Variants in SPEN observed in about 807,000 individuals in gnomAD.
SPEN encodes spen family transcriptional repressor, also known as msx2-interacting protein.
SPEN carries 18 observed loss-of-function variants against 269.9 expected under a neutral mutation model. That is an observed-to-expected ratio of 0.07 (90% CI 0.05 to 0.10). SPEN has a LOEUF of 0.10. SPEN is among the 10% of genes least tolerant of loss of function. The pLI is 1.00. For synonymous variants in SPEN, 1,726 were observed against 1,765.7 expected (o/e 0.98, Z 0.56); for missense variants, 3,822 against 4,631.2 (o/e 0.83, Z 5.07).
In SPEN at chr1:15,919,044, G is replaced by A. The variant is rs1471081719; in HGVS notation, c.1514G>A (p.Arg505His). The change falls in exon 7 of 15, where the codon CGC becomes CAC. Residue 505 changes from arginine (R) to histidine (H), a missense_variant. Around this residue, in one of 16 missense-constraint regions of SPEN, gnomAD observed 230 missense variants for 426.1 expected, o/e 0.54. Coordinates refer to ENST00000375759, the MANE Select transcript of SPEN (RefSeq NM_015001.3). ...KMDGEYLGNN[R>H]LKLGFGKSMP... ...GATGGGGAATATCTTGGAAATAATC[G>A]CCTCAAGGTAAATGAATTTGCATAA... 5 of 1,608,352 alleles carry A rather than the reference G, an allele frequency of 3.1e-6. No homozygotes were observed. The highest frequency in any genetic ancestry group is 2.2e-5 in the East Asian group (1 of 44,732).
chr1:15,937,675 G>T lies in SPEN; in HGVS notation c.10509+30G>T. Reference sequence around the variant, plus strand: ...GCATGAGCAGGGGCTGCCCTTCCTGGCCCCCAAGTTTTATGCCATGTCAAA... The same window carrying T: ...GCATGAGCAGGGGCTGCCCTTCCTGTCCCCCAAGTTTTATGCCATGTCAAA... On this transcript the variant is annotated intron_variant, in intron 12 of 14. Transcript: ENST00000375759. This position sits in a 1 kb window ranked among gnomAD's most constrained non-coding sequence, Gnocchi z 5.7. 19 of 1,607,322 alleles carry T rather than the reference G, an allele frequency of 1.2e-5. No individual in the cohort carries two copies. The highest frequency in any genetic ancestry group is 1.4e-5 in the Non-Finnish European group (17 of 1,175,168).
chr1:15,850,333 A>G (rs2070322706), intron 1 of SPEN, among the ~76,000 whole-genome samples: 1 of 152,188 alleles, frequency 6.6e-6, no homozygotes, highest in Non-Finnish European at 1.5e-5. Flanking sequence ...AGCAGATGCT[A>G]CTGATAAAAG....
intron 4 of SPEN, among the ~76,000 whole-genome samples, chr1:15,910,151 A>T (rs2070999256): frequency 2.1e-5 from 3 of 145,300 alleles, no homozygotes; most frequent in Non-Finnish European, 4.5e-5. Context: ...AAAAAAAAAA[A>T]TTATTTACTA....
chr1:15,919,589 CAGTT>C, intron 8 of SPEN, 72 bp downstream of exon 8: 2 of 932,466 alleles, frequency 2.1e-6, no homozygotes, highest in Non-Finnish European at 3.2e-6. Flanking sequence ...CTTTCAGTCT[CAGTT>C]GGCTAGCATT....
chr1:15,868,700 C>G (rs2070542980), intron 1 of SPEN, among the ~76,000 whole-genome samples: 2 of 152,200 alleles, frequency 1.3e-5, no homozygotes, highest in Non-Finnish European at 2.9e-5. Context: ...TCCCAAAGTG[C>G]TGGGATTACA....
chr1:15,939,890 C>T lies in SPEN; in HGVS notation c.*463C>T, dbSNP rs1038689838. ...CAGACTCTTAACGCAGGAAGGACTT[C>T]AAACTTCTGCTGAGACCTTGGGGTC... is the stretch of plus-strand genomic sequence containing the variant. On this transcript the variant is annotated 3_prime_UTR_variant, in exon 15 of 15. Coordinates refer to ENST00000375759, the MANE Select transcript of SPEN (RefSeq NM_015001.3). The surrounding 1 kb of genome is among the most constrained non-coding windows in gnomAD (Gnocchi z 4.1). 4 of 233,516 alleles carry T rather than the reference C, an allele frequency of 1.7e-5. No homozygotes were observed. The highest frequency in any genetic ancestry group is 6.6e-5 in the African/African-American group (3 of 45,320). The allele number at this position is 233,516 out of a possible 1,614,324, so 14.5% of individuals were successfully genotyped here. A position where few individuals can be genotyped will look rare whatever the true frequency, so the allele number is the denominator to read the frequency against.
intron 3 of SPEN, among the ~76,000 whole-genome samples, chr1:15,892,652 T>G (rs1234293580): frequency 2.0e-5 from 3 of 152,150 alleles, no homozygotes; most frequent in Non-Finnish European, 4.4e-5. Context: ...AAATGCCTGT[T>G]TCCAGGGTGG....
intron 3 of SPEN, among the ~76,000 whole-genome samples, chr1:15,881,193 C>G (rs112874686): frequency 0.035 from 5,298 of 152,180 alleles, 297 homozygotes; most frequent in African/African-American, 0.12. Context: ...TGGTCTTGAG[C>G]TCCTGGCTTC....
chr1:15,876,572 G>A lies in SPEN; in HGVS notation c.775G>A (p.Ala259Thr). 1.2e-6 allele frequency: 2 copies of A among 1,613,948 alleles called. No homozygotes were observed. Among genetic ancestry groups the A allele is most frequent in the Non-Finnish European group, 1.7e-6 (2 of 1,180,006 alleles). ...TAGAAATCAGTCTCCTCAGAGACTGGCTAGCCAAGCATCTAGACCCACAAG... is the reference window on the plus strand; with the variant it reads ...TAGAAATCAGTCTCCTCAGAGACTGACTAGCCAAGCATCTAGACCCACAAG... ...QSRNQSPQRL[A>T]SQASRPTRSP... The change falls in exon 3 of 15, where the codon GCT (alanine) becomes ACT (threonine). Residue 259 changes from alanine (A) to threonine (T), a missense_variant. Ala to Thr is a moderately conservative substitution (Grantham distance 58, BLOSUM62 0). This residue lies in a region of SPEN where 327 missense variants were observed against 350.8 expected (regional missense o/e 0.93). Transcript: ENST00000375759.
At position 15,929,406 on chromosome 1, in the gene SPEN, A is replaced by C; in HGVS notation, c.3166A>C (p.Arg1056=). The C allele has an allele frequency of 6.2e-7, 1 of 1,613,602 alleles. No homozygotes were observed. The highest frequency in any genetic ancestry group is 8.5e-7 in the Non-Finnish European group (1 of 1,179,870). Reference sequence around the variant, plus strand: ...AGAATCTAAAAAAATCAAACTGGACAGACTTAATACTGTTGCCAGCCCCAA... The same window carrying C: ...AGAATCTAAAAAAATCAAACTGGACCGACTTAATACTGTTGCCAGCCCCAA... ...KRESKKIKLD[R]LNTVASPKDC... Residue 1056 remains arginine, a synonymous_variant, in exon 11 of 15, where the codon AGA becomes CGA. Coordinates refer to ENST00000375759, the MANE Select transcript of SPEN (RefSeq NM_015001.3). The surrounding 1 kb of genome is among the most constrained non-coding windows in gnomAD (Gnocchi z 5.8).
intron 1 of SPEN, among the ~76,000 whole-genome samples, chr1:15,858,507 T>A (rs2070409133): frequency 6.6e-6 from 1 of 152,230 alleles, no homozygotes; most frequent in African/African-American, 2.4e-5. Context: ...AGGTGTATAG[T>A]AGGCTCTACC....
intron 1 of SPEN, among the ~76,000 whole-genome samples, chr1:15,862,348 A>T (rs1237140783): frequency 6.6e-6 from 1 of 152,200 alleles, no homozygotes; most frequent in Non-Finnish European, 1.5e-5. Context: ...CATTTATGAA[A>T]GCTACTCATT....
Position 15,928,309 on chromosome 1 carries a change from A to G in SPEN, c.2069A>G (p.Gln690Arg), listed in dbSNP as rs1256478072. Residue 690 changes from glutamine to arginine, a missense_variant, in exon 11 of 15, where the codon CAA becomes CGA. By Grantham distance (43) the Gln-to-Arg change is conservative. Transcript: ENST00000375759. The surrounding 1 kb of genome is among the most constrained non-coding windows in gnomAD (Gnocchi z 5.7). ...GATTACAGGAATGATCCTTATGAAC[A>G]AGATATTAGGGAATATAGTTACAGG... ...YRDYRNDPYE[Q>R]DIREYSYRQR... is the part of the protein sequence containing the mutation. The G allele has an allele frequency of 6.2e-7, 1 of 1,614,236 alleles. No homozygotes were observed. Among genetic ancestry groups the G allele is most frequent in the Middle Eastern group, 1.6e-4 (1 of 6,062 alleles).
intron 1 of SPEN, among the ~76,000 whole-genome samples, chr1:15,857,341 AG>A (rs1163522807): frequency 2.0e-5 from 3 of 151,802 alleles, no homozygotes; most frequent in South Asian, 2.1e-4. Flanking sequence ...CTGGGATTAC[AG>A]GTGTGAGCCA....
rs2070290188 is a variant in SPEN at position 15,847,984 on chromosome 1, G to A, written c.-84G>A. On this transcript the variant is annotated 5_prime_UTR_variant, in exon 1 of 15. Coordinates refer to ENST00000375759, the MANE Select transcript of SPEN (RefSeq NM_015001.3). ...CCGCAGCCGCCGCCGCCGCCGCCCC[G>A]GCACCCGCCTCCCGGCGCTGACGGT... The A allele has an allele frequency of 2.1e-6, 2 of 930,924 alleles. No homozygotes were observed. The highest frequency in any genetic ancestry group is 3.7e-5 in the East Asian group (1 of 26,948). The allele number at this position is 930,924 out of a possible 1,614,324, so 57.7% of individuals were successfully genotyped here. A position where few individuals can be genotyped will look rare whatever the true frequency, so the allele number is the denominator to read the frequency against.
In SPEN at chr1:15,939,027, G is replaced by A; in HGVS notation, c.10863+151G>A. 9.1e-7 allele frequency: 1 copy of A among 1,099,092 alleles called. No homozygotes were observed. The highest frequency in any genetic ancestry group is 1.3e-6 in the Non-Finnish European group (1 of 777,920). The allele number at this position is 1,099,092 out of a possible 1,614,324, so 68.1% of individuals were successfully genotyped here. A position where few individuals can be genotyped will look rare whatever the true frequency, so the allele number is the denominator to read the frequency against. ...AGAAGTCAGTAGAGCACATGGGGCG[G>A]GGCGCCATCACCCATCCTGAAGAGA... On this transcript the variant is annotated intron_variant, in intron 14 of 14. Coordinates refer to ENST00000375759, the MANE Select transcript of SPEN (RefSeq NM_015001.3). The surrounding 1 kb of genome is among the most constrained non-coding windows in gnomAD (Gnocchi z 4.1).
At chr1:15,884,484 A>G (rs898819835) in intron 3 of SPEN, among the ~76,000 whole-genome samples, 3 of 152,212 alleles carry the variant, frequency 2.0e-5, no homozygotes, top group African/African-American at 4.8e-5. Flanking sequence ...GAGGAAAACC[A>G]TTAAGAATGG....
intron 13 of SPEN, 77 bp from the exon 14 acceptor site, chr1:15,938,641 C>T (rs1005223609): frequency 7.2e-7 from 1 of 1,379,424 alleles, no homozygotes; most frequent in Middle Eastern, 2.2e-4. Flanking sequence ...TTTTTGTGGA[C>T]CTGATACTGT....
chr1:15,923,558 C>T (rs2071138337), intron 10 of SPEN, among the ~76,000 whole-genome samples: 1 of 152,168 alleles, frequency 6.6e-6, no homozygotes. Flanking sequence ...CTGTTGAATG[C>T]ATTCCCTTTC....
Sources: allele counts gnomAD v4.1 joint callset (sites outside exome capture counted in the v4.1 genomes callset), GRCh38; gene constraint gnomAD v4.1.1; regional missense constraint gnomAD v4.1.1; non-coding constraint Gnocchi (gnomAD v3.1); transcripts MANE v1.5; gene names NCBI Gene and HGNC (gene_info 2026-07-23, HGNC 2026-07-21).